The following SLC15A5 variants were observed in gnomAD, a reference collection of about 807,000 sequenced individuals.
The protein encoded by SLC15A5 is solute carrier family 15 member 5.
A neutral mutation model predicts 56.1 loss-of-function variants in SLC15A5; 58 were observed. The observed-to-expected ratio is 1.03, with a 90% CI of 0.84 to 1.29. SLC15A5 has a LOEUF of 1.29. Among genes scored for constraint, SLC15A5 ranks in the 50% most tolerant of loss-of-function variants. SLC15A5 has a pLI of 0.00. For synonymous variants in SLC15A5, 264 were observed against 250.5 expected (o/e 1.05, Z -0.51); for missense variants, 681 against 672.1 (o/e 1.01, Z -0.15).
chr12:16,275,914 G>A (rs1798754), intron 1 of SLC15A5, among the ~76,000 whole-genome samples: 41,495 of 151,714 alleles, frequency 0.27, 6,931 homozygotes, highest in African/African-American at 0.46. Flanking sequence ...ACTTTTTCTC[G>A]GTACCAAGTA....
In SLC15A5 at chr12:16,244,829, A is replaced by G. The variant is rs972556805; in HGVS notation, c.755-29T>C. ...CAAGTAATCGGAGATATTATGTATT[A>G]GTATAGGAATTGTTCTCCAGTTTTT... On this transcript the variant is annotated intron_variant, in intron 3 of 8. Transcript: ENST00000344941. The G allele has an allele frequency of 2.0e-6, 3 of 1,520,796 alleles. No homozygotes were observed. In the African/African-American group the frequency reaches 4.1e-5, roughly 21 times the overall value. The allele number at this position is 1,520,796 out of a possible 1,614,324, so 94.2% of individuals were successfully genotyped here.
intron 6 of SLC15A5, among the ~76,000 whole-genome samples, chr12:16,218,643 T>C (rs944732531): frequency 6.6e-6 from 1 of 152,136 alleles, no homozygotes; most frequent in African/African-American, 2.4e-5. Flanking sequence ...GCTGAACATA[T>C]CTAAACACAG....
At chr12:16,238,274 A>G (rs966102147) in intron 5 of SLC15A5, among the ~76,000 whole-genome samples, 1 of 152,170 alleles carries the variant, frequency 6.6e-6, no homozygotes, top group African/African-American at 2.4e-5. Context: ...CTGTAAACAG[A>G]GAAGCAACAA....
intron 3 of SLC15A5, among the ~76,000 whole-genome samples, chr12:16,252,581 A>G (rs377171705): frequency 6.6e-6 from 1 of 152,182 alleles, no homozygotes. Context: ...AAATACTTAG[A>G]AATAAACTTA....
intron 2 of SLC15A5, among the ~76,000 whole-genome samples, chr12:16,265,131 G>A (rs747946377): frequency 2.6e-5 from 4 of 152,158 alleles, no homozygotes; most frequent in Non-Finnish European, 5.9e-5. Context: ...AGATTATTGT[G>A]TCAGCTTCAT....
At chr12:16,245,377 A>G (rs1864452060) in intron 3 of SLC15A5, among the ~76,000 whole-genome samples, 1 of 152,156 alleles carries the variant, frequency 6.6e-6, no homozygotes, top group Admixed American at 6.5e-5. Context: ...AAGAGTTCAG[A>G]TTAGATTAGT....
intron 6 of SLC15A5, among the ~76,000 whole-genome samples, chr12:16,222,310 T>C (rs2136248611): frequency 6.6e-6 from 1 of 152,258 alleles, no homozygotes; most frequent in Non-Finnish European, 1.5e-5. Context: ...TGTCTGACTT[T>C]AAGACCATAG....
intron 2 of SLC15A5, among the ~76,000 whole-genome samples, chr12:16,263,491 G>T (rs1163203202): frequency 6.6e-6 from 1 of 152,036 alleles, no homozygotes; most frequent in African/African-American, 2.4e-5. Context: ...CAATAGAAAA[G>T]AAAATCCCAT....
chr12:16,260,339 A>G (rs576397591), intron 2 of SLC15A5, among the ~76,000 whole-genome samples: 127 of 152,268 alleles, frequency 8.3e-4, no homozygotes, highest in African/African-American at 2.9e-3. Flanking sequence ...CTCAAGTTCA[A>G]AAGCCCCTAG....
rs763573634 is a variant in SLC15A5, at chr12:16,239,687, A to G, written c.1156T>C (p.Cys386Arg). The change falls in exon 5 of 9, where the codon TGC becomes CGC. Residue 386 changes from cysteine to arginine, a missense_variant. Coordinates refer to ENST00000344941, the MANE Select transcript of SLC15A5 (RefSeq NM_001170798.1). ...SKRVGSFLST[C>R]IIAGNLFAAL... ...ATGGTTAAATTGTACTTACTGATGC[A>G]TGTTGACAGAAATGATCCAACTCTC... 2 of 1,536,412 alleles carry G rather than the reference A, an allele frequency of 1.3e-6. No individual in the cohort carries two copies. Among genetic ancestry groups the G allele is most frequent in the Non-Finnish European group, 1.7e-6 (2 of 1,146,594 alleles).
At chr12:16,259,582 CAT>C (rs2136809766) in intron 2 of SLC15A5, among the ~76,000 whole-genome samples, 1 of 152,290 alleles carries the variant, frequency 6.6e-6, no homozygotes, top group South Asian at 2.1e-4. Flanking sequence ...AATTGGGCAT[CAT>C]ATACTTGCTA....
rs1390558498 is a variant in SLC15A5 at position 16,189,834 on chromosome 12, A to G, written c.1593-19T>C. 5 of 1,454,928 alleles carry G rather than the reference A, an allele frequency of 3.4e-6. No homozygotes were observed. Among genetic ancestry groups the G allele is most frequent in the Non-Finnish European group, 4.5e-6 (5 of 1,105,332 alleles). The allele number at this position is 1,454,928 out of a possible 1,614,324, so 90.1% of individuals were successfully genotyped here. On this transcript the variant is annotated intron_variant, in intron 8 of 8. Transcript: ENST00000344941. ...ACAATATCTAAAAAAGAAAGAAAGA[A>G]AGCTTTTCTTAGGACCAGATGTAGA...
chr12:16,223,096 A>T (rs572915033), intron 6 of SLC15A5, among the ~76,000 whole-genome samples: 1 of 152,302 alleles, frequency 6.6e-6, no homozygotes, highest in Admixed American at 6.5e-5. Flanking sequence ...TCATTATTTA[A>T]TGAATTGCCT....
intron 8 of SLC15A5, among the ~76,000 whole-genome samples, 183 bp downstream of exon 8, chr12:16,194,162 A>T (rs1356517310): frequency 9.9e-5 from 15 of 152,080 alleles, no homozygotes; most frequent in Non-Finnish European, 4.4e-5. Flanking sequence ...CTATTTTATT[A>T]TAAGGATTGA....
chr12:16,210,183 A>G (rs1864065083), intron 7 of SLC15A5, among the ~76,000 whole-genome samples: 1 of 152,124 alleles, frequency 6.6e-6, no homozygotes, highest in South Asian at 2.1e-4. Context: ...ACCAAGCTAA[A>G]TTGCACTCAT....
At chr12:16,246,795 A>G (rs1307105694) in intron 3 of SLC15A5, among the ~76,000 whole-genome samples, 1 of 152,150 alleles carries the variant, frequency 6.6e-6, no homozygotes, top group East Asian at 1.9e-4. Flanking sequence ...TCTGCTTCTA[A>G]TACATGACAA....
chr12:16,212,155 G>C lies in SLC15A5; in HGVS notation c.1483+4738C>G, dbSNP rs146435200. On this transcript the variant is annotated intron_variant, in intron 7 of 8. Transcript: ENST00000344941. ...ATGGTCACTTCTGTCAAAAAAATTTGTCTGATTGTTTGAGTGGCCTGATCT... is the reference window on the plus strand; with the variant it reads ...ATGGTCACTTCTGTCAAAAAAATTTCTCTGATTGTTTGAGTGGCCTGATCT... 4.3e-3 allele frequency among the ~76,000 whole-genome samples: 659 copies of C among 152,214 alleles called. 7 individuals are homozygous for C. Among genetic ancestry groups the C allele is most frequent in the African/African-American group, 0.015 (635 of 41,552 alleles).
In SLC15A5 at chr12:16,267,556, T is replaced by C; in HGVS notation, c.584+5005A>G. Among the ~76,000 whole-genome samples the C allele has an allele frequency of 1.8e-5, 2 of 113,638 alleles. 1 individual carries two copies. The highest frequency in any genetic ancestry group is 3.7e-5 in the Non-Finnish European group (2 of 53,804). The allele number at this position is 113,638 out of a possible 152,430, so 74.6% of individuals were successfully genotyped here. A position where few individuals can be genotyped will look rare whatever the true frequency, so the allele number is the denominator to read the frequency against. On this transcript the variant is annotated intron_variant, in intron 2 of 8. Coordinates refer to ENST00000344941, the MANE Select transcript of SLC15A5 (RefSeq NM_001170798.1). The stretch of plus-strand genomic sequence containing the variant: ...GATTTTGGTAACTAGACATTAGGAT[T>C]GAAGAAGTTAAGTTTTTAATTTAAA...
chr12:16,244,878 C>G, intron 3 of SLC15A5, 78 bp from the exon 4 acceptor site: 1 of 1,413,410 alleles, frequency 7.1e-7, no homozygotes, highest in South Asian at 1.3e-5. Flanking sequence ...AGAAAGATAA[C>G]GATTCAAGGA....
Sources: allele counts gnomAD v4.1 joint callset (sites outside exome capture counted in the v4.1 genomes callset), GRCh38; gene constraint gnomAD v4.1.1; transcripts MANE v1.5; gene names NCBI Gene and HGNC (gene_info 2026-07-23, HGNC 2026-07-21).